The following RANGAP1 variants were observed in gnomAD, a reference collection of about 807,000 sequenced individuals.
RANGAP1 encodes the protein ran GTPase-activating protein 1.
A neutral mutation model predicts 63.5 loss-of-function variants in RANGAP1; 38 were observed. The observed-to-expected ratio is 0.60, with a 90% CI of 0.46 to 0.78. RANGAP1 has a LOEUF of 0.78. Ranked by LOEUF, RANGAP1 falls within the 30% of genes least tolerant of loss-of-function variation. The pLI is 0.00. For synonymous variants in RANGAP1, 329 were observed against 310.5 expected, an observed-to-expected ratio of 1.06 and a Z score of -0.63; for missense variants, 630 against 740.3, an observed-to-expected ratio of 0.85 and a Z score of 1.73.
At chr22:41,254,991 A>C (rs567394998) in intron 10 of RANGAP1, among the ~76,000 whole-genome samples, 8 of 151,838 alleles carry the variant, frequency 5.3e-5, no homozygotes, top group Non-Finnish European at 7.4e-5. Context: ...AACAAAAAAA[A>C]AAAACAAAAA....
chr22:41,246,211 G>A lies in RANGAP1; in HGVS notation c.*392C>T. 1 of 207,984 alleles carries A rather than the reference G, an allele frequency of 4.8e-6. No homozygotes were observed. The highest frequency in any genetic ancestry group is 9.9e-6 in the Non-Finnish European group (1 of 101,200). 12.9% of individuals were successfully genotyped at this position (207,984 alleles called of 1,614,324 possible). On this transcript the variant is annotated 3_prime_UTR_variant, in exon 16 of 16. Coordinates refer to ENST00000356244, the MANE Select transcript of RANGAP1 (RefSeq NM_002883.4). ...AGGACAGCACGCGGGCAACTCCCTG[G>A]GTTCTGGCTCCGCCAGGGAGCCGGG...
the RANGAP1 span, among the ~76,000 whole-genome samples, chr22:41,297,898 C>T: frequency 1.3e-5 from 2 of 151,314 alleles, no homozygotes; most frequent in Non-Finnish European, 2.9e-5. Context: ...TCGCTCTTGT[C>T]ACCCAGGCAG....
chr22:41,268,069 G>A (rs1283029538), intron 4 of RANGAP1, 28 bp downstream of exon 4: 1 of 1,510,736 alleles, frequency 6.6e-7, no homozygotes, highest in African/African-American at 1.4e-5. Flanking sequence ...CCTTGCGCGT[G>A]GAGGGGAAGA....
chr22:41,279,610 C>A (rs2035371976), intron 2 of RANGAP1, among the ~76,000 whole-genome samples: 1 of 151,840 alleles, frequency 6.6e-6, no homozygotes, highest in South Asian at 2.1e-4. Flanking sequence ...CCACCACACT[C>A]CAGCCTGGGC....
At chr22:41,272,106 G>A (rs930025897) in intron 3 of RANGAP1, among the ~76,000 whole-genome samples, 7 of 152,232 alleles carry the variant, frequency 4.6e-5, no homozygotes, top group Admixed American at 3.3e-4. Flanking sequence ...GCAAGGCCAC[G>A]TACGGCAAAC....
intron 3 of RANGAP1, among the ~76,000 whole-genome samples, chr22:41,269,656 C>T (rs1023310189): frequency 6.6e-6 from 1 of 150,790 alleles, no homozygotes; most frequent in Admixed American, 6.7e-5. Context: ...GCAAGAGAAT[C>T]GCTGAAAACC....
chr22:41,274,279 C>T (rs1601688531), intron 3 of RANGAP1, among the ~76,000 whole-genome samples: 1 of 152,250 alleles, frequency 6.6e-6, no homozygotes, highest in East Asian at 1.9e-4. Flanking sequence ...CAGTCAGAGG[C>T]TCCTGCTGGT....
At chr22:41,255,546 C>T (rs1193063713) in intron 10 of RANGAP1, among the ~76,000 whole-genome samples, 1 of 111,230 alleles carries the variant, frequency 9.0e-6, no homozygotes, top group African/African-American at 3.2e-5. Context: ...CCACCCCCAT[C>T]ACTCCCCAGG....
upstream of RANGAP1, among the ~76,000 whole-genome samples, chr22:41,287,438 T>C (rs755493775): frequency 2.0e-5 from 3 of 148,618 alleles, no homozygotes; most frequent in Non-Finnish European, 4.4e-5. Flanking sequence ...CCTCCCAAAG[T>C]GTTGGGATTA....
At chr22:41,297,914 C>T in the RANGAP1 span, among the ~76,000 whole-genome samples, 5 of 151,214 alleles carry the variant, frequency 3.3e-5, no homozygotes, top group East Asian at 3.9e-4. Flanking sequence ...GGCAGGAGTG[C>T]AGTGGAACGA....
In RANGAP1 at chr22:41,256,836, A is replaced by T; in HGVS notation, c.775-12T>A. On this transcript the variant is annotated splice_polypyrimidine_tract_variant and intron_variant, in intron 7 of 15. Coordinates refer to ENST00000356244, the MANE Select transcript of RANGAP1 (RefSeq NM_002883.4). ...AAGGTCTTCAAGGTCTGTGAGGGGG[A>T]AGCAAGGGTCCAGAGTGAGGGTGCA... The T allele has an allele frequency of 6.2e-7, 1 of 1,610,282 alleles. No homozygotes were observed. Among genetic ancestry groups the T allele is most frequent in the Admixed American group, 1.7e-5 (1 of 59,972 alleles).
chr22:41,245,515 A>C lies in RANGAP1; in HGVS notation c.*1088T>G, dbSNP rs1216977573. 2 of 152,236 alleles carry C rather than the reference A, an allele frequency of 1.3e-5. No homozygotes were observed. The highest frequency in any genetic ancestry group is 4.8e-5 in the African/African-American group (2 of 41,452). 9.4% of individuals were successfully genotyped at this position (152,236 alleles called of 1,614,324 possible). The stretch of plus-strand genomic sequence containing the variant: ...GCCCTTCTGCAGGGCTGACTGCCCC[A>C]CAGACTGCTGCGGGGCCGCATGCTC... On this transcript the variant is annotated 3_prime_UTR_variant, in exon 16 of 16. Transcript: ENST00000356244.
chr22:41,256,117 G>A lies in RANGAP1; in HGVS notation c.989-12C>T. ...TCCCAGGGTGTTGCCTGCTCAAGGG[G>A]AGGGAAGAGCAGTCAGCCGGGGTGC... On this transcript the variant is annotated splice_polypyrimidine_tract_variant and intron_variant, in intron 9 of 15. Transcript: ENST00000356244. 1 of 1,614,104 alleles carries A rather than the reference G, an allele frequency of 6.2e-7. No homozygotes were observed. The highest frequency in any genetic ancestry group is 8.5e-7 in the Non-Finnish European group (1 of 1,180,008).
chr22:41,287,519 A>C (rs1387361959), upstream of RANGAP1, among the ~76,000 whole-genome samples: 2 of 151,802 alleles, frequency 1.3e-5, no homozygotes, highest in African/African-American at 2.4e-5. Context: ...TACAAAAATT[A>C]GTTGGACGTG....
chr22:41,249,815 C>A lies in RANGAP1; in HGVS notation c.1486G>T (p.Ala496Ser). The change falls in exon 14 of 16, where the codon GCC (alanine) becomes TCC (serine). Residue 496 changes from alanine (A) to serine (S), a missense_variant and splice_region_variant. By Grantham distance (99) the Ala-to-Ser change is moderately conservative. Transcript: ENST00000356244. ...VRMAVQDAVDALMQKAFNSSS... is the reference protein window; with the variant it reads ...VRMAVQDAVDSLMQKAFNSSS... ...GAGTTGAAAGCCTTCTGCATCAGGG[C>A]ATCTGTAGGGCAGAAGCAGCAGGGG... The A allele has an allele frequency of 6.2e-7, 1 of 1,613,310 alleles. No homozygotes were observed. The highest frequency in any genetic ancestry group is 8.5e-7 in the Non-Finnish European group (1 of 1,179,230).
intron 8 of RANGAP1, 110 bp downstream of exon 8, chr22:41,256,601 G>T: frequency 2.2e-6 from 2 of 900,620 alleles, no homozygotes; most frequent in Non-Finnish European, 3.4e-6. Flanking sequence ...AAGTGGAGGA[G>T]CTGGGATATG....
At chr22:41,251,160 C>T (rs777113364) in intron 12 of RANGAP1, 51 bp from the exon 13 acceptor site, 2 of 1,479,252 alleles carry the variant, frequency 1.4e-6, no homozygotes, top group South Asian at 2.3e-5. Context: ...TGGAGAGGTA[C>T]CTGGGCTCTG....
intron 3 of RANGAP1, among the ~76,000 whole-genome samples, chr22:41,271,402 A>C (rs12165678): frequency 0.042 from 6,338 of 149,936 alleles, 516 homozygotes; most frequent in African/African-American, 0.15. Context: ...AAAACAAAAA[A>C]AAAAAACAAA....
At chr22:41,289,380 G>A (rs553676590), upstream of RANGAP1, among the ~76,000 whole-genome samples, 21 of 152,040 alleles carry the variant, frequency 1.4e-4, no homozygotes, top group Admixed American at 7.9e-4. Flanking sequence ...CCAGCACTTC[G>A]GGAGGGCGAG....
Sources: gnomAD v4.1 joint callset for allele counts (sites outside exome capture counted in the v4.1 genomes callset) on GRCh38, gnomAD v4.1.1 for gene constraint, MANE v1.5 for transcripts, NCBI Gene and HGNC (gene_info 2026-07-23, HGNC 2026-07-21) for gene names.